The following SLC47A1 variants were observed in gnomAD, a reference collection of about 807,000 sequenced individuals.
SLC47A1 encodes the protein solute carrier family 47 member 1, also known as multidrug and toxin extrusion protein 1.
In SLC47A1, 58 loss-of-function variants were observed where a neutral mutation model predicts 65.8. The observed-to-expected ratio is 0.88, with a 90% CI of 0.71 to 1.10. SLC47A1 has a LOEUF of 1.10. Among genes scored for constraint, SLC47A1 ranks in the 50% least tolerant of loss-of-function variants. The pLI is 0.00. For missense variants in SLC47A1, 706 were observed against 719.2 expected (o/e 0.98, Z 0.21); for synonymous variants, 285 against 295.0 (o/e 0.97, Z 0.35).
chr17:19,572,911 G>A (rs2084411554), intron 16 of SLC47A1, 50 bp downstream of exon 16: 13 of 1,521,916 alleles, frequency 8.5e-6, no homozygotes, highest in African/African-American at 2.7e-5. Context: ...AGGTAGGACT[G>A]GAGGGGCTGT....
At chr17:19,564,909 G>A (rs1237491124) in intron 12 of SLC47A1, among the ~76,000 whole-genome samples, 2 of 151,978 alleles carry the variant, frequency 1.3e-5, no homozygotes, top group African/African-American at 2.4e-5. Context: ...AGAAGAGATG[G>A]GAGTTCTCCA....
chr17:19,557,897 CAA>C (rs67441443), intron 10 of SLC47A1: 1,653 of 142,788 alleles, frequency 0.012, 26 homozygotes, highest in African/African-American at 0.035. Flanking sequence ...ACTTTCCCTC[CAA>C]AAAAAAAAAA....
chr17:19,576,342 TCTTC>T (rs1382404395), intron 16 of SLC47A1, among the ~76,000 whole-genome samples: 2 of 148,022 alleles, frequency 1.4e-5, no homozygotes, highest in Non-Finnish European at 1.5e-5. Flanking sequence ...TTGTATTCTT[TCTTC>T]CTTCCTTTTT....
Position 19,566,809 on chromosome 17 carries a change from G to T in SLC47A1, c.1126G>T (p.Ala376Ser). The stretch of plus-strand genomic sequence containing the variant: ...TAACAGAGACATCATTAATCTGGTG[G>T]CTCAGGTGGTTCCAATTTATGCTGT... ...TTDRDIINLV[A>S]QVVPIYAVSH... The change falls in exon 13 of 17, where the codon GCT (alanine) becomes TCT (serine). Residue 376 changes from alanine (A) to serine (S), a missense_variant. By Grantham distance (99) the Ala-to-Ser change is moderately conservative. Coordinates refer to ENST00000270570, the MANE Select transcript of SLC47A1 (RefSeq NM_018242.3). The T allele has an allele frequency of 6.2e-7, 1 of 1,614,122 alleles. No individual in the cohort carries two copies. The highest frequency in any genetic ancestry group is 8.5e-7 in the Non-Finnish European group (1 of 1,180,006).
rs761363688 is a variant in SLC47A1, at chr17:19,542,373, C to G, written c.136-20C>G. The G allele has an allele frequency of 6.3e-7, 1 of 1,581,440 alleles. No individual in the cohort carries two copies. The highest frequency in any genetic ancestry group is 8.6e-7 in the Non-Finnish European group (1 of 1,162,286). ...CAATGGTGGTCACTCACGTCCCTTC[C>G]CGTTCCCCTCTCTTCCCAGTTCTTG... On this transcript the variant is annotated intron_variant, in intron 1 of 16. Transcript: ENST00000270570.
intron 14 of SLC47A1, 46 bp from the exon 15 acceptor site, chr17:19,571,432 C>G: frequency 1.3e-6 from 2 of 1,541,446 alleles, no homozygotes; most frequent in Non-Finnish European, 1.8e-6. Flanking sequence ...CCAGGGGCAG[C>G]TGGTTTTCTA....
intron 6 of SLC47A1, among the ~76,000 whole-genome samples, chr17:19,552,810 C>A (rs1916489319): frequency 6.6e-6 from 1 of 152,116 alleles, no homozygotes; most frequent in Non-Finnish European, 1.5e-5. Context: ...TACGCCACTG[C>A]GGTGGGAGGG....
intron 6 of SLC47A1, 38 bp from the exon 7 acceptor site, chr17:19,555,174 G>A: frequency 1.3e-6 from 2 of 1,585,702 alleles, no homozygotes; most frequent in Non-Finnish European, 8.7e-7. Context: ...GTCCTATTCT[G>A]TGGATCTCAA....
chr17:19,534,684 C>A (rs1305078283), intron 1 of SLC47A1: 3 of 152,150 alleles, frequency 2.0e-5, no homozygotes, highest in African/African-American at 4.8e-5. Context: ...ACCACCCCCT[C>A]CCCGCCAGTA....
chr17:19,563,715 G>C (rs1027725723), intron 12 of SLC47A1, among the ~76,000 whole-genome samples: 1 of 152,130 alleles, frequency 6.6e-6, no homozygotes, highest in Non-Finnish European at 1.5e-5. Flanking sequence ...TAGGCTGGGC[G>C]CGGTGGCTCA....
At chr17:19,555,525 T>A in intron 7 of SLC47A1, 68 bp from the exon 8 acceptor site, 2 of 1,502,976 alleles carry the variant, frequency 1.3e-6, no homozygotes, top group Non-Finnish European at 1.9e-6. Flanking sequence ...GAGTCTCCCC[T>A]CCTCACTGAG....
Position 19,560,266 on chromosome 17 carries a change from A to G in SLC47A1, c.1000A>G (p.Lys334Glu). 1 of 1,613,846 alleles carries G rather than the reference A, an allele frequency of 6.2e-7. No homozygotes were observed. Among genetic ancestry groups the G allele is most frequent in the Non-Finnish European group, 8.5e-7 (1 of 1,179,932 alleles). The change falls in exon 11 of 17, where the codon AAG becomes GAG. Residue 334 changes from lysine (K) to glutamate (E), a missense_variant. Transcript: ENST00000270570. ...LGAGDMEQAR[K>E]SSTVSLLITV... ...TGCTGGAGACATGGAGCAGGCACGG[A>G]AGTCCTCTACCGTTTCCCTGCTGAT...
chr17:19,572,068 C>T (rs1282553153), intron 15 of SLC47A1, among the ~76,000 whole-genome samples: 3 of 152,104 alleles, frequency 2.0e-5, no homozygotes, highest in African/African-American at 7.2e-5. Flanking sequence ...GCAGGAGGAT[C>T]GCTTGAGCCC....
chr17:19,574,964 G>A (rs778683000), intron 16 of SLC47A1, among the ~76,000 whole-genome samples: 1 of 152,156 alleles, frequency 6.6e-6, no homozygotes, highest in Non-Finnish European at 1.5e-5. Context: ...TTATACTACC[G>A]CTGTTGGGGT....
At chr17:19,571,674 C>A (rs2084401156) in intron 15 of SLC47A1, 102 bp downstream of exon 15, 1 of 850,448 alleles carries the variant, frequency 1.2e-6, no homozygotes, top group Non-Finnish European at 1.9e-6. Flanking sequence ...TTCTCATTTT[C>A]TTTATTCTTA....
chr17:19,566,948 GA>G, intron 13 of SLC47A1, 89 bp downstream of exon 13: 1 of 1,585,722 alleles, frequency 6.3e-7, no homozygotes, highest in Non-Finnish European at 8.6e-7. Context: ...GCATAGGTAG[GA>G]AGATTGAATA....
At chr17:19,535,851 C>T (rs979326391) in intron 1 of SLC47A1, among the ~76,000 whole-genome samples, 4 of 152,184 alleles carry the variant, frequency 2.6e-5, no homozygotes, top group South Asian at 4.1e-4. Flanking sequence ...AGCCTCCTAA[C>T]CTCTTCTGGT....
rs747806744 is a variant in SLC47A1 at position 19,559,595 on chromosome 17, T to C, written c.922-593T>C. Among the ~76,000 whole-genome samples the C allele has an allele frequency of 3.3e-5, 5 of 152,220 alleles. No homozygotes were observed. In the South Asian group the frequency reaches 8.3e-4, roughly 25 times the overall value. On this transcript the variant is annotated intron_variant, in intron 10 of 16. Transcript: ENST00000270570. ...CGCACAGGCTGGAATGTAGTGGCAC[T>C]ATCGCAGCTCACTGCAACCTCCGCC...
At position 19,560,296 on chromosome 17, in the gene SLC47A1, GGT is replaced by G; in HGVS notation, c.1030+2_1030+3del. 4 of 1,612,988 alleles carry G rather than the reference GGT, an allele frequency of 2.5e-6. No individual in the cohort carries two copies. Among genetic ancestry groups the G allele is most frequent in the Non-Finnish European group, 3.4e-6 (4 of 1,179,140 alleles). On this transcript the variant is annotated splice_donor_variant, in intron 11 of 16. Coordinates refer to ENST00000270570, the MANE Select transcript of SLC47A1 (RefSeq NM_018242.3). LOFTEE classifies it high-confidence loss of function. Reference sequence around the variant, plus strand: ...CTCTACCGTTTCCCTGCTGATTACAGGTGCTGAGACCCCTTTACCCGAGGCTC... The same window carrying G: ...CTCTACCGTTTCCCTGCTGATTACAGGCTGAGACCCCTTTACCCGAGGCTC...
Sources: allele counts gnomAD v4.1 joint callset (sites outside exome capture counted in the v4.1 genomes callset), GRCh38; gene constraint gnomAD v4.1.1; transcripts MANE v1.5; gene names NCBI Gene and HGNC (gene_info 2026-07-23, HGNC 2026-07-21).